The following GBE1 variants were observed in gnomAD, a reference collection of about 807,000 sequenced individuals.
GBE1 encodes the protein 1,4-alpha-glucan-branching enzyme.
Under a neutral mutation model 88.8 loss-of-function variants are expected in GBE1, and 70 were observed. The ratio of observed to expected loss-of-function variants is 0.79; its 90% confidence interval spans 0.65 to 0.96. GBE1 has a LOEUF of 0.96. Among genes scored for constraint, GBE1 ranks in the 40% least tolerant of loss-of-function variants. The pLI, the probability that GBE1 is intolerant of heterozygous loss-of-function variation, is 0.00. For synonymous variants in GBE1, 284 were observed against 300.1 expected, an observed-to-expected ratio of 0.95 and a Z score of 0.56; for missense variants, 872 against 871.0, an observed-to-expected ratio of 1.00 and a Z score of -0.01.
At chr3:81,720,452 C>T (rs1706011760) in intron 1 of GBE1, among the ~76,000 whole-genome samples, 1 of 151,676 alleles carries the variant, frequency 6.6e-6, no homozygotes, top group African/African-American at 2.4e-5. Flanking sequence ...GGTCTGAAAG[C>T]ACAGGTACAG....
At chr3:81,753,214 C>T (rs1464283787) in intron 1 of GBE1, among the ~76,000 whole-genome samples, 6 of 152,030 alleles carry the variant, frequency 3.9e-5, no homozygotes, top group Admixed American at 2.0e-4. Context: ...GTCAAGGTAC[C>T]GGGTTCCTGT....
At chr3:81,513,949 G>T (rs1321911771) in intron 14 of GBE1, among the ~76,000 whole-genome samples, 1 of 151,514 alleles carries the variant, frequency 6.6e-6, no homozygotes, top group Non-Finnish European at 1.5e-5. Flanking sequence ...CACTATCCTT[G>T]CAATGAGAGC....
chr3:81,654,670 G>C lies in GBE1; in HGVS notation c.430-4749C>G, dbSNP rs1704904749. ...CTTTAAAAAATTTTTGCTTAAAGCA[G>C]AGTGAAAAAAAACATATTGATCAAG... On this transcript the variant is annotated intron_variant, in intron 3 of 15. Transcript: ENST00000429644. The C allele has an allele frequency of 2.0e-5, 3 of 151,982 alleles. No individual in the cohort carries two copies. In the South Asian group the frequency reaches 6.2e-4, roughly 31 times the overall value. 9.4% of individuals were successfully genotyped at this position (151,982 alleles called of 1,614,324 possible). A position where few individuals can be genotyped will look rare whatever the true frequency, so the allele number is the denominator to read the frequency against.
intron 12 of GBE1, among the ~76,000 whole-genome samples, chr3:81,569,624 C>T (rs1703545824): frequency 6.6e-6 from 1 of 152,122 alleles, no homozygotes. Context: ...TCTGGCCATC[C>T]ATGTACCCAG....
chr3:81,503,125 C>A (rs1160575014), intron 14 of GBE1, among the ~76,000 whole-genome samples: 1 of 152,114 alleles, frequency 6.6e-6, no homozygotes, highest in Admixed American at 6.6e-5. Flanking sequence ...AATAAATTAT[C>A]TTTACTCCCC....
At chr3:81,560,117 T>C (rs1312895817) in intron 12 of GBE1, among the ~76,000 whole-genome samples, 1 of 152,014 alleles carries the variant, frequency 6.6e-6, no homozygotes, top group Non-Finnish European at 1.5e-5. Flanking sequence ...TGAATGTTTA[T>C]TTGTTCAACA....
At chr3:81,607,267 C>T (rs1704115940) in intron 7 of GBE1, among the ~76,000 whole-genome samples, 1 of 152,038 alleles carries the variant, frequency 6.6e-6, no homozygotes, top group Non-Finnish European at 1.5e-5. Flanking sequence ...ATAAATATGG[C>T]AGGCCAGGAG....
chr3:81,713,546 A>T (rs997340056), intron 1 of GBE1, among the ~76,000 whole-genome samples: 1 of 152,236 alleles, frequency 6.6e-6, no homozygotes, highest in Non-Finnish European at 1.5e-5. Flanking sequence ...TATTAGGCAG[A>T]GTCCATAAAT....
chr3:81,567,247 T>C (rs13059815), intron 12 of GBE1, among the ~76,000 whole-genome samples: 45,115 of 151,986 alleles, frequency 0.3, 6,928 homozygotes, highest in East Asian at 0.44. Context: ...TTTCAAGGTG[T>C]TGAAATCTCA....
intron 14 of GBE1, among the ~76,000 whole-genome samples, chr3:81,524,655 T>C (rs985572307): frequency 6.6e-5 from 10 of 151,982 alleles, no homozygotes; most frequent in Non-Finnish European, 8.8e-5. Flanking sequence ...GCACCGTCTA[T>C]TGAAGAAACT....
intron 7 of GBE1, among the ~76,000 whole-genome samples, chr3:81,604,168 C>T (rs1258324619): frequency 6.6e-6 from 1 of 151,998 alleles, no homozygotes; most frequent in Non-Finnish European, 1.5e-5. Context: ...ACGTTAAGAA[C>T]CGTATCTTGT....
At chr3:81,693,033 A>G (rs1485800721) in intron 2 of GBE1, among the ~76,000 whole-genome samples, 1 of 152,220 alleles carries the variant, frequency 6.6e-6, no homozygotes, top group African/African-American at 2.4e-5. Context: ...AAGACTAAAA[A>G]GGAAATTCAC....
intron 1 of GBE1, among the ~76,000 whole-genome samples, chr3:81,740,242 G>A (rs1469535379): frequency 6.6e-6 from 1 of 151,224 alleles, no homozygotes; most frequent in Non-Finnish European, 1.5e-5. Context: ...AATAATAATA[G>A]ATTAACCAAT....
chr3:81,711,930 A>G (rs1332504633), intron 1 of GBE1, among the ~76,000 whole-genome samples: 1 of 152,174 alleles, frequency 6.6e-6, no homozygotes, highest in African/African-American at 2.4e-5. Flanking sequence ...AATATCCAGA[A>G]TCTACAAAGA....
intron 3 of GBE1, among the ~76,000 whole-genome samples, chr3:81,669,777 A>G (rs1705163973): frequency 6.6e-6 from 1 of 152,170 alleles, no homozygotes; most frequent in Admixed American, 6.5e-5. Flanking sequence ...AGGAACCTTG[A>G]CTGCCATCTC....
intron 7 of GBE1, among the ~76,000 whole-genome samples, chr3:81,636,992 G>C (rs992930831): frequency 1.6e-4 from 25 of 152,144 alleles, no homozygotes; most frequent in Admixed American, 1.5e-3. Flanking sequence ...GTCCAAGACT[G>C]CCAGTGGATG....
intron 7 of GBE1, among the ~76,000 whole-genome samples, chr3:81,606,642 T>C (rs1704105684): frequency 6.6e-6 from 1 of 152,224 alleles, no homozygotes; most frequent in African/African-American, 2.4e-5. Flanking sequence ...AGGTATTTCT[T>C]ACCAGCTATA....
At chr3:81,530,360 T>C (rs1470800098) in intron 14 of GBE1, among the ~76,000 whole-genome samples, 1 of 151,890 alleles carries the variant, frequency 6.6e-6, no homozygotes, top group Non-Finnish European at 1.5e-5. Context: ...GGTGAGGTCA[T>C]GATTTCCTGG....
At chr3:81,659,036 G>T (rs989972379) in intron 3 of GBE1, among the ~76,000 whole-genome samples, 1 of 152,098 alleles carries the variant, frequency 6.6e-6, no homozygotes, top group Non-Finnish European at 1.5e-5. Flanking sequence ...AAAAGGCTAT[G>T]AAAAGGGGAA....
Sources: allele counts gnomAD v4.1 joint callset (sites outside exome capture counted in the v4.1 genomes callset), GRCh38; gene constraint gnomAD v4.1.1; transcripts MANE v1.5; gene names NCBI Gene and HGNC (gene_info 2026-07-23, HGNC 2026-07-21).